CNBD1: variants seen among roughly 807,000 people sequenced by gnomAD.
The protein encoded by CNBD1 is cyclic nucleotide-binding domain-containing protein 1.
A neutral mutation model predicts 54.4 loss-of-function variants in CNBD1; 71 were observed. That is an observed-to-expected ratio of 1.30 (90% CI 1.08 to 1.59). CNBD1 has a LOEUF of 1.59. Ranked by LOEUF, CNBD1 falls within the 40% of genes most tolerant of loss-of-function variation. The pLI, the probability that CNBD1 is intolerant of heterozygous loss-of-function variation, is 0.00. For missense variants in CNBD1, 659 were observed against 518.0 expected, an observed-to-expected ratio of 1.27 and a Z score of -2.64; for synonymous variants, 182 against 170.7, an observed-to-expected ratio of 1.07 and a Z score of -0.51.
At chr8:87,422,608 G>T (rs1807960271) in intron 2 of CNBD1, among the ~76,000 whole-genome samples, 6 of 152,050 alleles carry the variant, frequency 3.9e-5, no homozygotes, top group Admixed American at 3.9e-4. Context: ...ATTTCTGAGG[G>T]CTCTGTTTTG....
intron 5 of CNBD1, among the ~76,000 whole-genome samples, chr8:87,224,142 C>T (rs1022137075): frequency 1.3e-5 from 2 of 151,636 alleles, no homozygotes; most frequent in Non-Finnish European, 2.9e-5. Flanking sequence ...CTGGATATTA[C>T]CCCTTTGTCA....
chr8:86,945,694 C>T (rs534512193), intron 4 of CNBD1, among the ~76,000 whole-genome samples: 7 of 152,096 alleles, frequency 4.6e-5, no homozygotes, highest in East Asian at 1.9e-4. Context: ...TAATAAAGAA[C>T]GGTGTGGATA....
chr8:87,263,102 G>C (rs1027350291), intron 6 of CNBD1, among the ~76,000 whole-genome samples: 3 of 152,016 alleles, frequency 2.0e-5, no homozygotes, highest in African/African-American at 7.2e-5. Context: ...ATGTCACCTG[G>C]AAAGAATGAT....
chr8:87,422,264 A>G (rs1229277113), intron 2 of CNBD1, among the ~76,000 whole-genome samples: 2 of 144,624 alleles, frequency 1.4e-5, no homozygotes, highest in Admixed American at 6.8e-5. Context: ...GCTGTGCAGA[A>G]GCTCTTTAGT....
intron 1 of CNBD1, among the ~76,000 whole-genome samples, chr8:86,870,124 GA>G (rs559815513): frequency 7.8e-5 from 10 of 127,712 alleles, no homozygotes; most frequent in Admixed American, 8.1e-5. Flanking sequence ...ATATGAGTTG[GA>G]AAAAAAAAAG....
chr8:87,096,032 T>C (rs1811312996), intron 4 of CNBD1, among the ~76,000 whole-genome samples: 1 of 152,174 alleles, frequency 6.6e-6, no homozygotes, highest in Non-Finnish European at 1.5e-5. Context: ...AGGTAACAGA[T>C]GTTAGGTAAT....
At chr8:86,902,947 C>T (rs1178341510) in intron 2 of CNBD1, among the ~76,000 whole-genome samples, 2 of 152,076 alleles carry the variant, frequency 1.3e-5, no homozygotes, top group Non-Finnish European at 2.9e-5. Flanking sequence ...TACTTTTCTA[C>T]TGAACACACA....
At chr8:87,417,768 G>T (rs1157086339) in intron 2 of CNBD1, among the ~76,000 whole-genome samples, 1 of 151,606 alleles carries the variant, frequency 6.6e-6, no homozygotes, top group African/African-American at 2.4e-5. Flanking sequence ...TTAGTAATTT[G>T]TATTTAAATC....
At position 87,360,968 on chromosome 8, in the gene CNBD1, C is replaced by T. The variant is rs180990410; in HGVS notation, c.1303+7182C>T. ...TATATTCATATTCAAAAACTTCTTC[C>T]CAACACATCAGCATTTCACCTTAAT... On this transcript the variant is annotated intron_variant, in intron 10 of 10. Transcript: ENST00000518476. 1.3e-3 allele frequency among the ~76,000 whole-genome samples: 194 copies of T among 151,884 alleles called. 1 individual carries two copies. The highest frequency in any genetic ancestry group is 6.2e-4 in the South Asian group (3 of 4,822).
At chr8:87,039,804 TC>T (rs973366327) in intron 4 of CNBD1, among the ~76,000 whole-genome samples, 6 of 152,152 alleles carry the variant, frequency 3.9e-5, no homozygotes, top group African/African-American at 1.4e-4. Context: ...TGGAAATGAC[TC>T]CCTATGGAGA....
At chr8:87,135,647 A>G (rs1245146378) in intron 4 of CNBD1, among the ~76,000 whole-genome samples, 1 of 148,270 alleles carries the variant, frequency 6.7e-6, no homozygotes, top group East Asian at 1.9e-4. Context: ...CATATTATAT[A>G]TCCTATATAT....
chr8:86,945,807 A>G (rs2130437253), intron 4 of CNBD1, among the ~76,000 whole-genome samples: 1 of 152,340 alleles, frequency 6.6e-6, no homozygotes, highest in African/African-American at 2.4e-5. Context: ...TTAGCAAAGG[A>G]CAGAAATTAA....
intron 6 of CNBD1, among the ~76,000 whole-genome samples, chr8:87,267,544 T>C (rs1465789293): frequency 1.3e-5 from 2 of 152,184 alleles, no homozygotes; most frequent in Non-Finnish European, 1.5e-5. Context: ...ATTTTAGAGA[T>C]ACTATTATAT....
At chr8:87,309,012 T>A (rs1319301494) in intron 8 of CNBD1, among the ~76,000 whole-genome samples, 1 of 152,162 alleles carries the variant, frequency 6.6e-6, no homozygotes, top group Non-Finnish European at 1.5e-5. Context: ...TTACATAGAT[T>A]CCATAACTTG....
At chr8:87,367,169 T>G (rs1810658041) in intron 10 of CNBD1, among the ~76,000 whole-genome samples, 1 of 152,092 alleles carries the variant, frequency 6.6e-6, no homozygotes, top group Admixed American at 6.6e-5. Flanking sequence ...CACTCCTATA[T>G]TCTTTGTCCT....
At chr8:87,407,953 G>A (rs1221953170) in intron 2 of CNBD1, among the ~76,000 whole-genome samples, 1 of 151,860 alleles carries the variant, frequency 6.6e-6, no homozygotes, top group Non-Finnish European at 1.5e-5. Flanking sequence ...GTTTTCATTA[G>A]ATGAGATATT....
chr8:87,270,980 T>G (rs1188613477), intron 6 of CNBD1, among the ~76,000 whole-genome samples: 1 of 151,896 alleles, frequency 6.6e-6, no homozygotes, highest in African/African-American at 2.4e-5. Context: ...ATTTTCTATT[T>G]CTTCATGGTT....
chr8:87,201,038 AC>A lies in CNBD1; in HGVS notation c.432-4954del, dbSNP rs141664544. Among the ~76,000 whole-genome samples, 53 of 152,274 alleles carry A rather than the reference AC, an allele frequency of 3.5e-4. No individual in the cohort carries two copies. In the East Asian group the frequency reaches 0.01, roughly 29 times the overall value. On this transcript the variant is annotated intron_variant, in intron 4 of 10. Transcript: ENST00000518476. ...AACTAAATCCAGAAACATATAAAAA[AC>A]ATTCCATCAGGACCAAATGGAATTT...
At chr8:87,131,574 G>T (rs552183951) in intron 4 of CNBD1, among the ~76,000 whole-genome samples, 2 of 151,844 alleles carry the variant, frequency 1.3e-5, no homozygotes, top group South Asian at 2.1e-4. Flanking sequence ...TATAAACATT[G>T]CTGTAGTTGT....
Sources: gnomAD v4.1 joint callset for allele counts (sites outside exome capture counted in the v4.1 genomes callset) on GRCh38, gnomAD v4.1.1 for gene constraint, MANE v1.5 for transcripts, NCBI Gene and HGNC (gene_info 2026-07-23, HGNC 2026-07-21) for gene names.